Variants in GNAQ observed in about 807,000 individuals in gnomAD.
GNAQ encodes G protein subunit alpha q, also known as guanine nucleotide-binding protein G(q) subunit alpha.
A neutral mutation model predicts 43.9 loss-of-function variants in GNAQ; 8 were observed. The ratio of observed to expected loss-of-function variants is 0.18; its 90% CI spans 0.11 to 0.33. The LOEUF (loss-of-function observed/expected upper bound fraction) is 0.33. Ranked by LOEUF, GNAQ falls within the 10% of genes least tolerant of loss-of-function variation. The pLI is 1.00. For missense variants in GNAQ, 158 were observed against 450.8 expected, an observed-to-expected ratio of 0.35 and a Z score of 5.88; for synonymous variants, 155 against 170.7, an observed-to-expected ratio of 0.91 and a Z score of 0.71.
intron 2 of GNAQ, 78 bp from the exon 3 acceptor site, chr9:77,815,848 C>T: frequency 2.3e-6 from 2 of 867,374 alleles, no homozygotes; most frequent in Non-Finnish European, 1.8e-6. Flanking sequence ...ACATTATATA[C>T]AATTCAGGTA....
At chr9:77,968,006 A>G (rs1823191003) in intron 1 of GNAQ, among the ~76,000 whole-genome samples, 1 of 152,132 alleles carries the variant, frequency 6.6e-6, no homozygotes, top group Non-Finnish European at 1.5e-5. Context: ...AACAACAACA[A>G]AAAAACATGT....
chr9:77,942,251 C>T (rs1010739938), intron 1 of GNAQ, among the ~76,000 whole-genome samples: 1 of 152,076 alleles, frequency 6.6e-6, no homozygotes. Context: ...TGGGGCTGTA[C>T]TTGGAATTCC....
intron 1 of GNAQ, among the ~76,000 whole-genome samples, chr9:77,949,579 C>G (rs1216602127): frequency 6.6e-6 from 1 of 152,066 alleles, no homozygotes; most frequent in Non-Finnish European, 1.5e-5. Flanking sequence ...GCAGCTGGGG[C>G]AGAGCCACAA....
At chr9:77,753,268 T>C (rs1281613673) in intron 5 of GNAQ, among the ~76,000 whole-genome samples, 2 of 151,686 alleles carry the variant, frequency 1.3e-5, no homozygotes, top group African/African-American at 4.8e-5. Flanking sequence ...CAAACACACA[T>C]ACACATGCGC....
At chr9:78,003,988 A>G (rs759525278) in intron 1 of GNAQ, among the ~76,000 whole-genome samples, 6 of 152,164 alleles carry the variant, frequency 3.9e-5, no homozygotes, top group Admixed American at 6.6e-5. Flanking sequence ...TCCTGCCTTC[A>G]GGGATCTGAC....
chr9:77,770,695 A>C lies in GNAQ; in HGVS notation c.735+23768T>G, dbSNP rs766445755. On this transcript the variant is annotated intron_variant, in intron 5 of 6. Transcript: ENST00000286548. ...TTGGCTTAACCAGTCCCAGAGCAAG[A>C]ACTCGGGCAAGAACTTGCTATTCAG... is the stretch of plus-strand genomic sequence containing the variant. 2.0e-5 allele frequency among the ~76,000 whole-genome samples: 3 copies of C among 152,170 alleles called. No homozygotes were observed. The South Asian group carries it at 6.2e-4, about 31-fold the overall frequency.
At chr9:77,868,172 A>C (rs1827979006) in intron 2 of GNAQ, among the ~76,000 whole-genome samples, 2 of 152,244 alleles carry the variant, frequency 1.3e-5, no homozygotes, top group Admixed American at 1.3e-4. Context: ...TCCTCTGTGT[A>C]TCCTAAACAA....
intron 2 of GNAQ, among the ~76,000 whole-genome samples, chr9:77,857,872 GTT>G (rs34145434): frequency 0.084 from 12,321 of 146,226 alleles, 593 homozygotes; most frequent in South Asian, 0.18. Context: ...GGCAATAAAG[GTT>G]TTTTTTTTTT....
At chr9:77,970,828 C>A (rs1015082779) in intron 1 of GNAQ, among the ~76,000 whole-genome samples, 1 of 151,464 alleles carries the variant, frequency 6.6e-6, no homozygotes, top group Admixed American at 6.6e-5. Context: ...AAAAACCTTT[C>A]AAAAAAAATC....
rs185458797 is a variant in GNAQ at position 77,747,161 on chromosome 9, G to C, written c.736-18494C>G. On this transcript the variant is annotated intron_variant, in intron 5 of 6. Coordinates refer to ENST00000286548, the MANE Select transcript of GNAQ (RefSeq NM_002072.5). Reference sequence around the variant, plus strand: ...CTCTCTTCTGTAGCCTTCTATGTATGTGGAATTTTAAATAATGAACATATA... The same window carrying C: ...CTCTCTTCTGTAGCCTTCTATGTATCTGGAATTTTAAATAATGAACATATA... 6.6e-5 allele frequency among the ~76,000 whole-genome samples: 10 copies of C among 152,184 alleles called. No individual in the cohort carries two copies. The East Asian group carries it at 1.9e-3, about 29-fold the overall frequency.
At chr9:77,993,413 G>C (rs1823532556) in intron 1 of GNAQ, among the ~76,000 whole-genome samples, 1 of 152,102 alleles carries the variant, frequency 6.6e-6, no homozygotes, top group Non-Finnish European at 1.5e-5. Flanking sequence ...TAAAAGTGCA[G>C]ATAGGCCAGG....
intron 1 of GNAQ, among the ~76,000 whole-genome samples, chr9:77,985,173 G>C (rs1243440320): frequency 6.6e-6 from 1 of 152,132 alleles, no homozygotes; most frequent in African/African-American, 2.4e-5. Flanking sequence ...AGCCAGGCAT[G>C]GTGGTAGGTG....
chr9:78,030,679 C>A, intron 1 of GNAQ: 1 of 410,088 alleles, frequency 2.4e-6, no homozygotes. Context: ...CACACGGCTC[C>A]CCACGCCACC....
chr9:77,918,552 G>A (rs1452754035), intron 2 of GNAQ, among the ~76,000 whole-genome samples: 1 of 151,834 alleles, frequency 6.6e-6, no homozygotes, highest in African/African-American at 2.4e-5. Context: ...ATAAACACAA[G>A]AAAATAAAAT....
chr9:77,838,115 C>T (rs1384793724), intron 2 of GNAQ, among the ~76,000 whole-genome samples: 3 of 147,406 alleles, frequency 2.0e-5, no homozygotes, highest in Non-Finnish European at 3.0e-5. Context: ...CTTGCAAAGT[C>T]CTGGGATTAC....
intron 2 of GNAQ, among the ~76,000 whole-genome samples, chr9:77,867,349 TC>T (rs1827965518): frequency 6.6e-6 from 1 of 152,212 alleles, no homozygotes; most frequent in East Asian, 1.9e-4. Context: ...GTTTTCCTTT[TC>T]TAAACTGTAA....
chr9:77,844,467 C>A (rs1827547070), intron 2 of GNAQ, among the ~76,000 whole-genome samples: 1 of 152,058 alleles, frequency 6.6e-6, no homozygotes, highest in Non-Finnish European at 1.5e-5. Context: ...ATAAAATAAA[C>A]CATCAGAAAA....
chr9:77,867,113 A>C (rs1024811879), intron 2 of GNAQ, among the ~76,000 whole-genome samples: 9 of 152,130 alleles, frequency 5.9e-5, no homozygotes, highest in African/African-American at 1.4e-4. Context: ...TCACTTTAAG[A>C]AGCAGCTCAA....
chr9:77,777,083 T>C (rs1438566310), intron 5 of GNAQ, among the ~76,000 whole-genome samples: 8 of 152,128 alleles, frequency 5.3e-5, no homozygotes, highest in East Asian at 1.9e-4. Flanking sequence ...AAACTTTATG[T>C]TCACGATCAC....
Sources: allele counts gnomAD v4.1 joint callset (sites outside exome capture counted in the v4.1 genomes callset), GRCh38; gene constraint gnomAD v4.1.1; transcripts MANE v1.5; gene names NCBI Gene and HGNC (gene_info 2026-07-23, HGNC 2026-07-21).